The following PPFIBP2 variants were observed in gnomAD, a reference collection of about 807,000 sequenced individuals.
PPFIBP2 encodes the protein PPFIB scaffold protein 2.
PPFIBP2 carries 118 observed loss-of-function variants against 118.3 expected under a neutral mutation model. That is an observed-to-expected ratio of 1.00 (90% CI 0.86 to 1.16). The LOEUF (loss-of-function observed/expected upper bound fraction) is 1.16, where lower values mean the gene tolerates loss of function less well. Among genes scored for constraint, PPFIBP2 ranks in the 50% most tolerant of loss-of-function variants. PPFIBP2 has a pLI of 0.00. For missense variants in PPFIBP2, 1,195 were observed against 1,073.1 expected (o/e 1.11, Z -1.59); for synonymous variants, 414 against 397.4 (o/e 1.04, Z -0.50).
chr11:7,575,172 A>T (rs1219239895), intron 3 of PPFIBP2, among the ~76,000 whole-genome samples: 1 of 152,170 alleles, frequency 6.6e-6, no homozygotes, highest in Admixed American at 6.5e-5. Flanking sequence ...TTATCATTTG[A>T]GCCTTATTCT....
chr11:7,514,592 G>C (rs761725092), intron 1 of PPFIBP2, among the ~76,000 whole-genome samples: 1 of 152,194 alleles, frequency 6.6e-6, no homozygotes, highest in Non-Finnish European at 1.5e-5. Flanking sequence ...GCAGGGCCTC[G>C]GCTAAAGCCA....
chr11:7,524,143 A>T (rs77055858), intron 1 of PPFIBP2, among the ~76,000 whole-genome samples: 18,130 of 148,438 alleles, frequency 0.12, 1,194 homozygotes, highest in Admixed American at 0.18. Flanking sequence ...TGTGTGTGTG[A>T]GAGAGAGAGA....
chr11:7,663,764 G>A, the PPFIBP2 span, among the ~76,000 whole-genome samples: 1,416 of 152,306 alleles, frequency 9.3e-3, 13 homozygotes, highest in Middle Eastern at 0.031. Context: ...CTGCCTTGCA[G>A]TTTGATCTCA....
intron 1 of PPFIBP2, among the ~76,000 whole-genome samples, chr11:7,517,126 T>G (rs1045240406): frequency 1.3e-5 from 2 of 152,192 alleles, no homozygotes; most frequent in African/African-American, 2.4e-5. Flanking sequence ...TTTTAGTGGC[T>G]TTTATTATTA....
intron 2 of PPFIBP2, among the ~76,000 whole-genome samples, chr11:7,563,654 C>A (rs752348418): frequency 1.3e-5 from 2 of 152,158 alleles, no homozygotes; most frequent in Admixed American, 1.3e-4. Flanking sequence ...CCAGTAGAGT[C>A]CTAATTTCAA....
Position 7,602,949 on chromosome 11 carries a change from C to G in PPFIBP2, c.486+5276C>G, listed in dbSNP as rs1303548980. Among the ~76,000 whole-genome samples the G allele has an allele frequency of 2.0e-5, 3 of 152,192 alleles. 1 individual carries two copies. Among genetic ancestry groups the G allele is most frequent in the Admixed American group, 2.0e-4 (3 of 15,278 alleles). Reference sequence around the variant, plus strand: ...AATATGGACTCTGTATTGCCTACCTCTTACTTCTCAGAGTTATAGTAAAGT... The same window carrying G: ...AATATGGACTCTGTATTGCCTACCTGTTACTTCTCAGAGTTATAGTAAAGT... On this transcript the variant is annotated intron_variant, in intron 5 of 23. Coordinates refer to ENST00000299492, the MANE Select transcript of PPFIBP2 (RefSeq NM_003621.5).
At chr11:7,565,434 C>A in intron 2 of PPFIBP2, 119 bp from the exon 3 acceptor site, 1 of 1,037,862 alleles carries the variant, frequency 9.6e-7, no homozygotes, top group Non-Finnish European at 1.5e-6. Context: ...CCATGCCCAG[C>A]TCACCCCCAG....
At chr11:7,663,918 C>CT in the PPFIBP2 span, among the ~76,000 whole-genome samples, 7 of 152,156 alleles carry the variant, frequency 4.6e-5, no homozygotes, top group Non-Finnish European at 7.4e-5. Flanking sequence ...TTTCCAGGTG[C>CT]GTCCGTCACC....
intron 1 of PPFIBP2, among the ~76,000 whole-genome samples, chr11:7,522,600 C>G (rs1257529644): frequency 6.6e-6 from 1 of 152,106 alleles, no homozygotes; most frequent in Admixed American, 6.6e-5. Flanking sequence ...GATGGAGATT[C>G]CATTAGGCAA....
chr11:7,663,548 C>G, the PPFIBP2 span, among the ~76,000 whole-genome samples: 2 of 152,200 alleles, frequency 1.3e-5, no homozygotes, highest in Admixed American at 6.5e-5. Context: ...CTGCTCTCTT[C>G]AAAGCTGTCA....
At chr11:7,553,617 A>T (rs1455824732) in intron 2 of PPFIBP2, among the ~76,000 whole-genome samples, 1 of 152,206 alleles carries the variant, frequency 6.6e-6, no homozygotes, top group Non-Finnish European at 1.5e-5. Flanking sequence ...AAATTGCTTA[A>T]TTCTTCTGAG....
At chr11:7,657,297 T>A (rs1854767696), downstream of PPFIBP2, among the ~76,000 whole-genome samples, 1 of 152,220 alleles carries the variant, frequency 6.6e-6, no homozygotes, top group South Asian at 2.1e-4. Context: ...TTCTTGGGAC[T>A]GTGGCTGGGC....
chr11:7,662,856 C>T, the PPFIBP2 span, among the ~76,000 whole-genome samples: 21 of 149,780 alleles, frequency 1.4e-4, no homozygotes, highest in African/African-American at 5.1e-4. Flanking sequence ...TCTTTTTATT[C>T]TTTTTTCTCT....
At chr11:7,666,565 A>G in the PPFIBP2 span, 3 of 1,597,238 alleles carry the variant, frequency 1.9e-6, no homozygotes, top group East Asian at 6.7e-5. Flanking sequence ...AAAAGAAGCA[A>G]CACTGAAAAA....
chr11:7,631,085 A>G (rs1032417404), intron 11 of PPFIBP2, 57 bp downstream of exon 11: 1 of 1,295,228 alleles, frequency 7.7e-7, no homozygotes, highest in Admixed American at 1.7e-5. Context: ...GCTTGCCCTG[A>G]GCTTGAGGGA....
the PPFIBP2 span, chr11:7,665,557 G>T: frequency 6.3e-7 from 1 of 1,591,276 alleles, no homozygotes; most frequent in Non-Finnish European, 8.5e-7. Context: ...CTGAAATGAA[G>T]GAGATGCAGG....
At chr11:7,643,186 C>T in intron 17 of PPFIBP2, among the ~76,000 whole-genome samples, 1 of 152,130 alleles carries the variant, frequency 6.6e-6, no homozygotes, top group East Asian at 1.9e-4. Flanking sequence ...ATTAGATATT[C>T]TAATTTACTT....
intron 6 of PPFIBP2, among the ~76,000 whole-genome samples, chr11:7,611,375 TC>T (rs146401660): frequency 0.017 from 2,585 of 152,350 alleles, 68 homozygotes; most frequent in African/African-American, 0.058. Context: ...TGGATATTGT[TC>T]CCTTCTGATA....
intron 18 of PPFIBP2, 51 bp downstream of exon 18, chr11:7,648,588 G>T: frequency 1.2e-6 from 2 of 1,604,308 alleles, no homozygotes; most frequent in South Asian, 2.2e-5. Context: ...CCAAAGCATG[G>T]GGAGGCCAGG....
Sources: allele counts gnomAD v4.1 joint callset (sites outside exome capture counted in the v4.1 genomes callset), GRCh38; gene constraint gnomAD v4.1.1; transcripts MANE v1.5; gene names NCBI Gene and HGNC (gene_info 2026-07-23, HGNC 2026-07-21).